Variants in ADPRM observed in about 807,000 individuals in gnomAD.
ADPRM encodes ADP-ribose/CDP-alcohol diphosphatase, manganese dependent, also known as manganese-dependent ADP-ribose/CDP-alcohol diphosphatase.
In ADPRM, 17 loss-of-function variants were observed where a neutral mutation model predicts 27.2. The ratio of observed to expected loss-of-function variants is 0.63; its 90% CI spans 0.43 to 0.94. The LOEUF (loss-of-function observed/expected upper bound fraction) is 0.94, where lower values mean the gene tolerates loss of function less well. ADPRM is among the 40% of genes least tolerant of loss of function. ADPRM has a pLI of 0.00. For synonymous variants in ADPRM, 135 were observed against 145.3 expected (o/e 0.93, Z 0.51); for missense variants, 337 against 412.8 (o/e 0.82, Z 1.59).
intron 3 of ADPRM, among the ~76,000 whole-genome samples, chr17:10,709,035 GA>G (rs1567581116): frequency 1.3e-5 from 2 of 152,190 alleles, no homozygotes; most frequent in Non-Finnish European, 2.9e-5. Context: ...CGGAATGATT[GA>G]AGTTTTCTTT....
rs1263964384 is a variant in ADPRM at position 10,711,119 on chromosome 17, A to G, written c.1004A>G (p.Lys335Arg). The G allele has an allele frequency of 1.2e-6, 2 of 1,609,138 alleles. No individual in the cohort carries two copies. Among genetic ancestry groups the G allele is most frequent in the South Asian group, 2.2e-5 (2 of 90,886 alleles). The change falls in exon 4 of 4, where the codon AAG (lysine) becomes AGG (arginine). Residue 335 changes from lysine to arginine, a missense_variant. Coordinates refer to ENST00000379774, the MANE Select transcript of ADPRM (RefSeq NM_020233.5). ...GRVPDRIMNY[K>R]KERAFHC ...GTTCCAGATAGAATTATGAATTACA[A>G]GAAAGAAAGAGCCTTCCATTGTTAG...
chr17:10,711,137 A>C lies in ADPRM; in HGVS notation c.1022A>C (p.His341Pro). The C allele has an allele frequency of 6.2e-7, 1 of 1,600,852 alleles. No individual in the cohort carries two copies. Among genetic ancestry groups the C allele is most frequent in the East Asian group, 2.2e-5 (1 of 44,668 alleles). Reference sequence around the variant, plus strand: ...AATTACAAGAAAGAAAGAGCCTTCCATTGTTAGTCTAATTTATTTTAACTT... The same window carrying C: ...AATTACAAGAAAGAAAGAGCCTTCCCTTGTTAGTCTAATTTATTTTAACTT... ...IMNYKKERAFHC is the reference protein window; with the variant it reads ...IMNYKKERAFPC Residue 341 changes from histidine to proline, a missense_variant, in exon 4 of 4, where the codon CAT (histidine) becomes CCT (proline). Coordinates refer to ENST00000379774, the MANE Select transcript of ADPRM (RefSeq NM_020233.5).
At position 10,711,074 on chromosome 17, in the gene ADPRM, T is replaced by C; in HGVS notation, c.959T>C (p.Met320Thr). The C allele has an allele frequency of 6.2e-7, 1 of 1,614,110 alleles. No individual in the cohort carries two copies. Among genetic ancestry groups the C allele is most frequent in the Non-Finnish European group, 8.5e-7 (1 of 1,179,972 alleles). ...GTTCATGTCTATCCTGACAAAATGA[T>C]GTTGAAAGGGAGAGGCAGAGTTCCA... Reference protein sequence around the residue: ...GTVHVYPDKMMLKGRGRVPDR... With the variant: ...GTVHVYPDKMTLKGRGRVPDR... Residue 320 changes from methionine (M) to threonine (T), a missense_variant, in exon 4 of 4, where the codon ATG becomes ACG. Physicochemically the swap from Met to Thr is moderately conservative, Grantham distance 81. Coordinates refer to ENST00000379774, the MANE Select transcript of ADPRM (RefSeq NM_020233.5).
intron 1 of ADPRM, 119 bp from the exon 2 acceptor site, chr17:10,704,791 T>G: frequency 1.2e-6 from 1 of 856,558 alleles, no homozygotes; most frequent in Non-Finnish European, 1.8e-6. Flanking sequence ...CCCACGTACT[T>G]TTTCCTGTAC....
chr17:10,705,239 C>T lies in ADPRM; in HGVS notation c.313C>T (p.His105Tyr). ...DMFKRLKVPV[H>Y]HTWGNHEFYN... Reference sequence around the variant, plus strand: ...GTTCAAGAGGCTTAAAGTTCCAGTTCATCATACATGGGGAAACCATGAATT... The same window carrying T: ...GTTCAAGAGGCTTAAAGTTCCAGTTTATCATACATGGGGAAACCATGAATT... Residue 105 changes from histidine (H) to tyrosine (Y), a missense_variant, in exon 2 of 4, where the codon CAT becomes TAT. Transcript: ENST00000379774. The surrounding 1 kb of genome is among the most constrained non-coding windows in gnomAD (Gnocchi z 5.4). 1.2e-6 allele frequency: 2 copies of T among 1,614,062 alleles called. No individual in the cohort carries two copies. The highest frequency in any genetic ancestry group is 1.1e-5 in the South Asian group (1 of 91,062).
chr17:10,698,667 G>A (rs2082386669), intron 1 of ADPRM, among the ~76,000 whole-genome samples: 2 of 152,120 alleles, frequency 1.3e-5, no homozygotes, highest in Admixed American at 6.5e-5. Flanking sequence ...CAACTGTTCT[G>A]TTCTCTAACC....
intron 3 of ADPRM, among the ~76,000 whole-genome samples, chr17:10,708,157 A>G (rs2074826387): frequency 6.6e-6 from 1 of 152,084 alleles, no homozygotes; most frequent in Non-Finnish European, 1.5e-5. Context: ...CTGGCCAAGC[A>G]CGGTGACTCA....
chr17:10,705,812 G>A lies in ADPRM; in HGVS notation c.601+285G>A. On this transcript the variant is annotated intron_variant, in intron 2 of 3. Coordinates refer to ENST00000379774, the MANE Select transcript of ADPRM (RefSeq NM_020233.5). This position sits in a 1 kb window ranked among gnomAD's most constrained non-coding sequence, Gnocchi z 5.4. ...ACTTTTTTGATGGATGGAATGGAGG[G>A]AACAAACACAGTACGTGGGCAAGAC... 1 of 419,244 alleles carries A rather than the reference G, an allele frequency of 2.4e-6. No individual in the cohort carries two copies. The highest frequency in any genetic ancestry group is 4.4e-6 in the Non-Finnish European group (1 of 229,236). The allele number at this position is 419,244 out of a possible 1,614,324, so 26.0% of individuals were successfully genotyped here.
chr17:10,699,588 G>A (rs1284692062), intron 1 of ADPRM, among the ~76,000 whole-genome samples: 4 of 146,218 alleles, frequency 2.7e-5, no homozygotes, highest in Non-Finnish European at 4.4e-5. Context: ...GCAGTGGTGC[G>A]ATCTCAGCTC....
At chr17:10,703,064 T>C (rs914386382) in intron 1 of ADPRM, among the ~76,000 whole-genome samples, 3 of 152,188 alleles carry the variant, frequency 2.0e-5, no homozygotes, top group Non-Finnish European at 4.4e-5. Context: ...ATGGTTAATA[T>C]AACCTTAATG....
chr17:10,704,357 A>C (rs1238293051), intron 1 of ADPRM, among the ~76,000 whole-genome samples: 2 of 152,070 alleles, frequency 1.3e-5, no homozygotes, highest in Non-Finnish European at 2.9e-5. Flanking sequence ...ACCTATTCAG[A>C]TATAAAATAT....
Position 10,697,663 on chromosome 17 carries a change from G to T in ADPRM, c.-22G>T. Reference sequence around the variant, plus strand: ...GAGGCCTTTCAGCCCAGGGGCCGGCGCACGGTAGGTAGTTCCCTGCGGCTG... The same window carrying T: ...GAGGCCTTTCAGCCCAGGGGCCGGCTCACGGTAGGTAGTTCCCTGCGGCTG... On this transcript the variant is annotated 5_prime_UTR_variant, in exon 1 of 4. Coordinates refer to ENST00000379774, the MANE Select transcript of ADPRM (RefSeq NM_020233.5). 1.1e-6 allele frequency: 1 copy of T among 925,696 alleles called. No individual in the cohort carries two copies. The highest frequency in any genetic ancestry group is 1.7e-6 in the Non-Finnish European group (1 of 592,578). 57.3% of individuals were successfully genotyped at this position (925,696 alleles called of 1,614,324 possible). A position where few individuals can be genotyped will look rare whatever the true frequency, so the allele number is the denominator to read the frequency against.
At position 10,705,591 on chromosome 17, in the gene ADPRM, T is replaced by C. The variant is rs2074807741; in HGVS notation, c.601+64T>C. ...CTTTAAATTCTTCAGCTACCTTTTA[T>C]TCAGCAGGAAGATGGACAATTAAGG... On this transcript the variant is annotated intron_variant, in intron 2 of 3. Coordinates refer to ENST00000379774, the MANE Select transcript of ADPRM (RefSeq NM_020233.5). This position sits in a 1 kb window ranked among gnomAD's most constrained non-coding sequence, Gnocchi z 5.4. 1 of 1,566,818 alleles carries C rather than the reference T, an allele frequency of 6.4e-7. No homozygotes were observed. The highest frequency in any genetic ancestry group is 1.8e-5 in the Admixed American group (1 of 55,588).
chr17:10,697,616 G>T lies in ADPRM; in HGVS notation c.-69G>T. 1 of 1,361,826 alleles carries T rather than the reference G, an allele frequency of 7.3e-7. No individual in the cohort carries two copies. Among genetic ancestry groups the T allele is most frequent in the East Asian group, 2.4e-5 (1 of 41,168 alleles). 84.4% of individuals were successfully genotyped at this position (1,361,826 alleles called of 1,614,324 possible). A position where few individuals can be genotyped will look rare whatever the true frequency, so the allele number is the denominator to read the frequency against. ...TCTGTCCGTCCCGCTCGTTGGTGGC[G>T]CTGTTACATAGCCCGTAGTCAGAGG... On this transcript the variant is annotated 5_prime_UTR_variant, in exon 1 of 4. Transcript: ENST00000379774.
intron 3 of ADPRM, among the ~76,000 whole-genome samples, chr17:10,708,663 G>A (rs1014350404): frequency 6.6e-6 from 1 of 152,106 alleles, no homozygotes; most frequent in African/African-American, 2.4e-5. Flanking sequence ...ACACCTTTTG[G>A]CTCTATAATA....
intron 1 of ADPRM, chr17:10,699,071 TATTA>T (rs953438316): frequency 3.8e-4 from 58 of 152,300 alleles, no homozygotes; most frequent in Admixed American, 7.8e-4. Flanking sequence ...AACTTCTTCA[TATTA>T]ATTTTATAAT....
rs1391395136 is a variant in ADPRM, at chr17:10,705,184, C to T, written c.258C>T (p.Ser86=). Residue 86 remains serine, a synonymous_variant, in exon 2 of 4, where the codon TCC becomes TCT. Transcript: ENST00000379774. This position sits in a 1 kb window ranked among gnomAD's most constrained non-coding sequence, Gnocchi z 5.4. Reference sequence around the variant, plus strand: ...GATATAATGCACAGTATAATGCATCCAAAAAGTCCCTAGAACTTGTTATGG... The same window carrying T: ...GATATAATGCACAGTATAATGCATCTAAAAAGTCCCTAGAACTTGTTATGG... ...IDGYNAQYNA[S]KKSLELVMDM... is the part of the protein sequence containing the mutation. 6.2e-7 allele frequency: 1 copy of T among 1,613,976 alleles called. No homozygotes were observed. The highest frequency in any genetic ancestry group is 2.2e-5 in the East Asian group (1 of 44,868).
chr17:10,697,889 A>G, intron 1 of ADPRM: 1 of 291,682 alleles, frequency 3.4e-6, no homozygotes, highest in Non-Finnish European at 6.4e-6. Flanking sequence ...CTCGGAAGAG[A>G]GAACACACTG....
At chr17:10,697,955 T>C (rs1183716982) in intron 1 of ADPRM, 1 of 173,650 alleles carries the variant, frequency 5.8e-6, no homozygotes, top group Non-Finnish European at 1.2e-5. Flanking sequence ...CTGGCCGACT[T>C]TGTCAACCTC....
Sources: allele counts gnomAD v4.1 joint callset (sites outside exome capture counted in the v4.1 genomes callset), GRCh38; gene constraint gnomAD v4.1.1; non-coding constraint Gnocchi (gnomAD v3.1); transcripts MANE v1.5; gene names NCBI Gene and HGNC (gene_info 2026-07-23, HGNC 2026-07-21).